Variants in MMP26 observed in about 807,000 individuals in gnomAD.
MMP26 encodes the protein matrix metallopeptidase 26.
A neutral mutation model predicts 31.0 loss-of-function variants in MMP26; 33 were observed. That is an observed-to-expected ratio of 1.06 (90% CI 0.81 to 1.42). The LOEUF is 1.42. MMP26 is among the 40% of genes most tolerant of loss of function. MMP26 has a pLI of 0.00. For missense variants in MMP26, 347 were observed against 316.1 expected, an observed-to-expected ratio of 1.10 and a Z score of -0.74; for synonymous variants, 122 against 114.9, an observed-to-expected ratio of 1.06 and a Z score of -0.40.
intron 2 of MMP26, among the ~76,000 whole-genome samples, chr11:4,791,827 G>A (rs1849032378): frequency 6.6e-6 from 1 of 151,988 alleles, no homozygotes; most frequent in East Asian, 1.9e-4. Context: ...TCAGATTCCT[G>A]CTTCCCAGTA....
intron 1 of MMP26, among the ~76,000 whole-genome samples, chr11:4,726,936 A>G (rs1848108935): frequency 6.6e-6 from 1 of 152,158 alleles, no homozygotes; most frequent in Non-Finnish European, 1.5e-5. Flanking sequence ...GGATTGCTTG[A>G]GGCCAGGAAT....
rs533901988 is a variant in MMP26, at chr11:4,771,187, A to G, written c.-145+3846A>G. On this transcript the variant is annotated intron_variant, in intron 2 of 7. Coordinates refer to ENST00000380390, the MANE Select transcript of MMP26 (RefSeq NM_021801.5). ...GTTTATAAACGGAGGTTAAAAATGT[A>G]GCAGATAATGAGAAATTTAAAATAT... 2.6e-4 allele frequency among the ~76,000 whole-genome samples: 39 copies of G among 152,374 alleles called. No individual in the cohort carries two copies. In the South Asian group the frequency reaches 7.0e-3, roughly 27 times the overall value.
At chr11:4,819,566 ATTTTTTTTTTTTTTTT>A (rs71050433) in intron 2 of MMP26, among the ~76,000 whole-genome samples, 7 of 50,278 alleles carry the variant, frequency 1.4e-4, no homozygotes, top group African/African-American at 4.4e-4. Flanking sequence ...GAGTCGACTG[ATTTTTTTTTTTTTTTT>A]TTTTTTTTTT....
intron 1 of MMP26, among the ~76,000 whole-genome samples, chr11:4,764,814 A>T (rs1287326660): frequency 2.0e-5 from 3 of 152,090 alleles, no homozygotes; most frequent in African/African-American, 4.8e-5. Context: ...TGGAGCTTGC[A>T]GTGAGCTGAG....
chr11:4,845,205 A>T (rs1849850459), intron 2 of MMP26, among the ~76,000 whole-genome samples: 1 of 152,146 alleles, frequency 6.6e-6, no homozygotes, highest in Non-Finnish European at 1.5e-5. Flanking sequence ...AACCAAATAA[A>T]TAAAAGATAT....
At chr11:4,919,904 T>C (rs1851156410) in intron 2 of MMP26, among the ~76,000 whole-genome samples, 1 of 152,118 alleles carries the variant, frequency 6.6e-6, no homozygotes, top group African/African-American at 2.4e-5. Flanking sequence ...CTGTCTCTGA[T>C]CCACTCAGAA....
In MMP26 at chr11:4,992,194, T is replaced by G. The variant is rs113743709; in HGVS notation, c.758-20T>G. The G allele has an allele frequency of 8.5e-6, 12 of 1,406,820 alleles. No homozygotes were observed. The highest frequency in any genetic ancestry group is 1.2e-5 in the Non-Finnish European group (12 of 1,036,336). The allele number at this position is 1,406,820 out of a possible 1,614,324, so 87.1% of individuals were successfully genotyped here. On this transcript the variant is annotated intron_variant, in intron 7 of 7. Coordinates refer to ENST00000380390, the MANE Select transcript of MMP26 (RefSeq NM_021801.5). ...ATTTCACCTGAAATTTACTGTTGTT[T>G]TTTTTTTCTGTTTCCATAGGAGAAA... is the stretch of plus-strand genomic sequence containing the variant.
rs1228330080 is a variant in MMP26 at position 4,859,818 on chromosome 11, G to T, written c.-145+92477G>T. On this transcript the variant is annotated intron_variant, in intron 2 of 7. Transcript: ENST00000380390. ...TAAAAGGAACATAGAAGAGGAGCAC[G>T]GTAGACATGTGAGAGAGGCATGTGC... The T allele has an allele frequency of 8.5e-6, 4 of 471,448 alleles. No homozygotes were observed. The Admixed American group carries it at 9.4e-5, about 11-fold the overall frequency. The allele number at this position is 471,448 out of a possible 1,614,324, so 29.2% of individuals were successfully genotyped here.
At chr11:4,804,149 AG>A (rs1849228953) in intron 2 of MMP26, 2 of 1,614,034 alleles carry the variant, frequency 1.2e-6, no homozygotes, top group South Asian at 2.2e-5. Context: ...TGAGTGGAGG[AG>A]GAGAGGACCA....
intron 2 of MMP26, among the ~76,000 whole-genome samples, chr11:4,963,592 C>T (rs1419201802): frequency 6.6e-6 from 1 of 152,128 alleles, no homozygotes; most frequent in Admixed American, 6.5e-5. Context: ...CATCTACAAC[C>T]TTCTGATCTT....
At chr11:4,824,253 C>G (rs915463243) in intron 2 of MMP26, among the ~76,000 whole-genome samples, 1 of 152,084 alleles carries the variant, frequency 6.6e-6, no homozygotes, top group Non-Finnish European at 1.5e-5. Flanking sequence ...GAGAAGTTCT[C>G]TATTGCAAAT....
intron 2 of MMP26, among the ~76,000 whole-genome samples, chr11:4,958,213 C>T (rs1846470619): frequency 6.6e-6 from 1 of 152,188 alleles, no homozygotes; most frequent in Non-Finnish European, 1.5e-5. Flanking sequence ...ATTTCAATCC[C>T]CTCTTCTTAA....
chr11:4,720,676 C>T (rs1232900214), intron 1 of MMP26, among the ~76,000 whole-genome samples: 1 of 152,102 alleles, frequency 6.6e-6, no homozygotes, highest in Non-Finnish European at 1.5e-5. Flanking sequence ...GGAGAGTTCC[C>T]CCAAGAGCTT....
At chr11:4,853,244 T>C (rs879010041) in intron 2 of MMP26, among the ~76,000 whole-genome samples, 1 of 152,130 alleles carries the variant, frequency 6.6e-6, no homozygotes, top group Admixed American at 6.6e-5. Context: ...CACACACACA[T>C]ACAAGGGTAA....
chr11:4,766,330 G>GT (rs1400699251), intron 1 of MMP26, among the ~76,000 whole-genome samples: 13 of 152,168 alleles, frequency 8.5e-5, no homozygotes, highest in Non-Finnish European at 2.9e-5. Flanking sequence ...TACCAGAGAA[G>GT]TGTGGGCCAC....
chr11:4,902,117 T>A (rs1850812021), intron 2 of MMP26, among the ~76,000 whole-genome samples: 1 of 152,170 alleles, frequency 6.6e-6, no homozygotes, highest in Non-Finnish European at 1.5e-5. Flanking sequence ...AGTAAGAGAA[T>A]CCAGTTTACA....
chr11:4,821,517 T>C (rs1474160812), intron 2 of MMP26: 1 of 1,611,602 alleles, frequency 6.2e-7, no homozygotes, highest in East Asian at 2.2e-5. Context: ...TCTCCATCCC[T>C]TTTTGTCTCC....
intron 2 of MMP26, among the ~76,000 whole-genome samples, chr11:4,987,839 G>A (rs1436489700): frequency 6.6e-6 from 1 of 151,956 alleles, no homozygotes. Context: ...TCTCTGACTG[G>A]TAATTATTCT....
At chr11:4,723,348 C>T (rs1184310046) in intron 1 of MMP26, 1 of 973,092 alleles carries the variant, frequency 1.0e-6, no homozygotes, top group Non-Finnish European at 1.7e-6. Context: ...GGTGCATGCT[C>T]TCAGCCTCCG....
Sources: allele counts gnomAD v4.1 joint callset (sites outside exome capture counted in the v4.1 genomes callset), GRCh38; gene constraint gnomAD v4.1.1; transcripts MANE v1.5; gene names NCBI Gene and HGNC (gene_info 2026-07-23, HGNC 2026-07-21).